The following UNC13C variants were observed in gnomAD, a reference collection of about 807,000 sequenced individuals.
The protein encoded by UNC13C is protein unc-13 homolog C.
A neutral mutation model predicts 245.4 loss-of-function variants in UNC13C; 174 were observed. The observed-to-expected ratio is 0.71, with a 90% CI of 0.63 to 0.80. The LOEUF is 0.80. Ranked by LOEUF, UNC13C falls within the 30% of genes least tolerant of loss-of-function variation. The pLI, the probability that UNC13C is intolerant of heterozygous loss-of-function variation, is 0.00. For missense variants in UNC13C, 2,829 were observed against 2,602.9 expected, an observed-to-expected ratio of 1.09 and a Z score of -1.89; for synonymous variants, 992 against 895.1, an observed-to-expected ratio of 1.11 and a Z score of -1.93.
intron 17 of UNC13C, among the ~76,000 whole-genome samples, chr15:54,381,352 C>G (rs956425757): frequency 6.6e-6 from 1 of 152,002 alleles, no homozygotes; most frequent in Admixed American, 6.6e-5. Context: ...GTTACTATGG[C>G]TTTGTAGTAT....
At position 54,568,319 on chromosome 15, in the gene UNC13C, A is replaced by G. The variant is rs183306093; in HGVS notation, c.6106+372A>G. 1.3e-3 allele frequency among the ~76,000 whole-genome samples: 191 copies of G among 152,236 alleles called. 1 individual carries two copies. The highest frequency in any genetic ancestry group is 4.4e-3 in the African/African-American group (181 of 41,562). ...TTCTGGTCTTGGTATCTTCCAAAAA[A>G]TGATAATAATTCCCTAAATCCTAAT... On this transcript the variant is annotated intron_variant, in intron 30 of 32. Transcript: ENST00000260323.
intron 17 of UNC13C, among the ~76,000 whole-genome samples, chr15:54,351,416 CTG>C (rs996412478): frequency 2.6e-5 from 4 of 152,070 alleles, no homozygotes; most frequent in African/African-American, 9.7e-5. Context: ...GAAAATTAAA[CTG>C]TGAAAAGAAC....
chr15:54,023,470 TATC>T (rs139400152), intron 2 of UNC13C, among the ~76,000 whole-genome samples: 16,508 of 152,212 alleles, frequency 0.11, 979 homozygotes, highest in South Asian at 0.14. Flanking sequence ...TAAGAGATAG[TATC>T]ATATTTTTAG....
At position 54,014,855 on chromosome 15, in the gene UNC13C, A is replaced by G; in HGVS notation, c.1952A>G (p.His651Arg). The G allele has an allele frequency of 3.1e-6, 5 of 1,613,894 alleles. No individual in the cohort carries two copies. The highest frequency in any genetic ancestry group is 4.2e-6 in the Non-Finnish European group (5 of 1,179,838). The change falls in exon 2 of 33, where the codon CAT becomes CGT. Residue 651 changes from histidine to arginine, a missense_variant. His to Arg is a conservative substitution (Grantham distance 29). Coordinates refer to ENST00000260323, the MANE Select transcript of UNC13C (RefSeq NM_001080534.3). ...TACAGTGATTCTCAGCTCTCTTTAC[A>G]TGAGGATCTTTCTCCATGGAAGGAA... is the stretch of plus-strand genomic sequence containing the variant. ...SHYSDSQLSL[H>R]EDLSPWKEWN...
chr15:54,300,949 C>T (rs78274306), intron 13 of UNC13C, among the ~76,000 whole-genome samples: 5,222 of 151,932 alleles, frequency 0.034, 123 homozygotes, highest in Non-Finnish European at 0.049. Flanking sequence ...ACCCATAGAA[C>T]GCAAACAGTA....
chr15:53,988,650 A>C (rs1374957441), intron 1 of UNC13C, among the ~76,000 whole-genome samples: 1 of 151,924 alleles, frequency 6.6e-6, no homozygotes, highest in Non-Finnish European at 1.5e-5. Context: ...GTAAAGAGAT[A>C]TCTTGGGTTA....
intron 4 of UNC13C, among the ~76,000 whole-genome samples, chr15:54,210,354 A>G (rs1348803910): frequency 6.6e-6 from 1 of 151,626 alleles, no homozygotes; most frequent in East Asian, 1.9e-4. Context: ...TTAGATGATT[A>G]ATGTTCCCAT....
intron 17 of UNC13C, among the ~76,000 whole-genome samples, chr15:54,379,115 G>GT (rs34431391): frequency 6.6e-6 from 1 of 151,856 alleles, no homozygotes; most frequent in Non-Finnish European, 1.5e-5. Context: ...TAGTTGCTCA[G>GT]TTTTTTTGTT....
chr15:54,185,438 A>C (rs1461007747), intron 4 of UNC13C, among the ~76,000 whole-genome samples: 1 of 149,792 alleles, frequency 6.7e-6, no homozygotes, highest in African/African-American at 2.5e-5. Context: ...ATCTTGAATT[A>C]ATTTTTGTAG....
chr15:53,971,126 A>T, the UNC13C span, among the ~76,000 whole-genome samples: 4 of 152,206 alleles, frequency 2.6e-5, no homozygotes, highest in Admixed American at 1.3e-4. Context: ...GCATAATTTC[A>T]TATTCTCATT....
intron 19 of UNC13C, among the ~76,000 whole-genome samples, chr15:54,448,543 G>T (rs866658346): frequency 3.4e-4 from 52 of 151,940 alleles, no homozygotes; most frequent in East Asian, 3.3e-3. Context: ...CTTCTTTGTC[G>T]CTTTTGATCT....
At chr15:54,525,724 T>C in intron 25 of UNC13C, 87 bp downstream of exon 25, 1 of 1,087,400 alleles carries the variant, frequency 9.2e-7, no homozygotes, top group Non-Finnish European at 1.4e-6. Flanking sequence ...TTCCTCTGAC[T>C]GACTAAATCT....
At position 54,264,437 on chromosome 15, in the gene UNC13C, A is replaced by AT. The variant is rs1186389702; in HGVS notation, c.3676+47dup. The AT allele has an allele frequency of 1.8e-4, 259 of 1,419,754 alleles. 4 individuals carry two copies. In the East Asian group the frequency reaches 6.4e-3, roughly 35 times the overall value. 87.9% of individuals were successfully genotyped at this position (1,419,754 alleles called of 1,614,324 possible). On this transcript the variant is annotated intron_variant, in intron 9 of 32. Coordinates refer to ENST00000260323, the MANE Select transcript of UNC13C (RefSeq NM_001080534.3). ...TTAAAAATTTGTATTGTAAATTGAG[A>AT]TTTTTATGTGCCCTAGAAATAACTG...
At chr15:54,592,287 C>G (rs751599913) in intron 30 of UNC13C, among the ~76,000 whole-genome samples, 1 of 152,086 alleles carries the variant, frequency 6.6e-6, no homozygotes, top group Non-Finnish European at 1.5e-5. Context: ...TGGATGAAAT[C>G]TTCTGTATGT....
Position 54,143,640 on chromosome 15 carries a change from T to C in UNC13C, c.3027T>C (p.Asn1009=), listed in dbSNP as rs1463152898. The change falls in exon 4 of 33, where the codon AAT becomes AAC. Residue 1009 remains asparagine, a synonymous_variant. Coordinates refer to ENST00000260323, the MANE Select transcript of UNC13C (RefSeq NM_001080534.3). ...VDEKARIVSG[N]DLDASKFSAL... ...TTAAGGCTCGAATAGTAAGTGGCAA[T>C]GATTTGGATGCTTCCAAATTTTCTG... The C allele has an allele frequency of 3.7e-6, 6 of 1,613,410 alleles. No individual in the cohort carries two copies. Among genetic ancestry groups the C allele is most frequent in the Non-Finnish European group, 5.1e-6 (6 of 1,179,466 alleles).
chr15:54,285,137 A>G (rs918234232), intron 10 of UNC13C, among the ~76,000 whole-genome samples: 1 of 152,176 alleles, frequency 6.6e-6, no homozygotes, highest in Non-Finnish European at 1.5e-5. Context: ...TGCTAATAAT[A>G]TAATTCCTTT....
At chr15:54,317,688 A>G (rs2038043979) in intron 13 of UNC13C, among the ~76,000 whole-genome samples, 1 of 151,972 alleles carries the variant, frequency 6.6e-6, no homozygotes, top group Non-Finnish European at 1.5e-5. Flanking sequence ...TGGTATGATT[A>G]AATCTAGCTG....
At position 54,323,276 on chromosome 15, in the gene UNC13C, A is replaced by T. The variant is rs115468085; in HGVS notation, c.4425+1181A>T. ...TCCTTTTCCTCTGAAAGAGAAATGCATGCGAGGTGTATGAAGTGAATTAGA... is the reference window on the plus strand; with the variant it reads ...TCCTTTTCCTCTGAAAGAGAAATGCTTGCGAGGTGTATGAAGTGAATTAGA... On this transcript the variant is annotated intron_variant, in intron 14 of 32. Transcript: ENST00000260323. Among the ~76,000 whole-genome samples, 1,181 of 152,106 alleles carry T rather than the reference A, an allele frequency of 7.8e-3. 22 individuals carry two copies. The highest frequency in any genetic ancestry group is 0.028 in the African/African-American group (1,159 of 41,528).
intron 19 of UNC13C, among the ~76,000 whole-genome samples, chr15:54,419,671 T>C (rs765938572): frequency 6.6e-6 from 1 of 152,128 alleles, no homozygotes; most frequent in Non-Finnish European, 1.5e-5. Flanking sequence ...TTATCTCATA[T>C]AATTCTGCCT....
Sources: allele counts gnomAD v4.1 joint callset (sites outside exome capture counted in the v4.1 genomes callset), GRCh38; gene constraint gnomAD v4.1.1; transcripts MANE v1.5; gene names NCBI Gene and HGNC (gene_info 2026-07-23, HGNC 2026-07-21).